Variants in CTDP1 observed in about 807,000 individuals in gnomAD.
CTDP1 encodes CTD phosphatase 1.
A neutral mutation model predicts 91.8 loss-of-function variants in CTDP1; 47 were observed. The ratio of observed to expected loss-of-function variants is 0.51; its 90% CI spans 0.41 to 0.65. The LOEUF is 0.65. Ranked by LOEUF, CTDP1 falls within the 30% of genes least tolerant of loss-of-function variation. CTDP1 has a pLI of 0.00. For synonymous variants in CTDP1, 656 were observed against 598.5 expected, an observed-to-expected ratio of 1.10 and a Z score of -1.40; for missense variants, 1,272 against 1,373.7, an observed-to-expected ratio of 0.93 and a Z score of 1.17.
chr18:79,729,230 C>T (rs530136035), intron 11 of CTDP1, among the ~76,000 whole-genome samples, 161 bp downstream of exon 11: 46 of 152,342 alleles, frequency 3.0e-4, no homozygotes, highest in Non-Finnish European at 4.9e-4. Flanking sequence ...GTGTTTTTCA[C>T]GCAACTTCCT....
chr18:79,680,373 C>A, intron 1 of CTDP1, 112 bp downstream of exon 1: 2 of 881,454 alleles, frequency 2.3e-6, no homozygotes, highest in Non-Finnish European at 3.0e-6. Flanking sequence ...GGTGAGGGAG[C>A]GATAAAGCGG....
At chr18:79,725,272 G>C (rs930248412) in intron 10 of CTDP1, among the ~76,000 whole-genome samples, 1 of 152,208 alleles carries the variant, frequency 6.6e-6, no homozygotes, top group African/African-American at 2.4e-5. Flanking sequence ...CAGGTTTGCT[G>C]TGGCTCCCGT....
chr18:79,718,377 C>G (rs930740975), intron 10 of CTDP1, among the ~76,000 whole-genome samples: 7 of 152,224 alleles, frequency 4.6e-5, no homozygotes, highest in African/African-American at 1.7e-4. Flanking sequence ...CCACTCGCCT[C>G]ACCATCTGCT....
chr18:79,748,619 A>G (rs1029262759), intron 12 of CTDP1, among the ~76,000 whole-genome samples: 1 of 152,222 alleles, frequency 6.6e-6, no homozygotes, highest in African/African-American at 2.4e-5. Context: ...TTTCTTGTGA[A>G]AATCTAAGGA....
intron 6 of CTDP1, 152 bp from the exon 7 acceptor site, chr18:79,712,820 A>G: frequency 8.1e-6 from 6 of 745,220 alleles, no homozygotes; most frequent in South Asian, 6.7e-5. Flanking sequence ...CGACCCAAAC[A>G]GAAAGGGCTT....
intron 4 of CTDP1, among the ~76,000 whole-genome samples, chr18:79,700,878 A>G (rs2085843702): frequency 6.6e-6 from 1 of 152,206 alleles, no homozygotes. Context: ...AGTTGAAGCC[A>G]GTGCTCATTT....
At chr18:79,693,551 TGAC>T (rs937308489) in intron 1 of CTDP1, among the ~76,000 whole-genome samples, 2 of 152,194 alleles carry the variant, frequency 1.3e-5, no homozygotes, top group African/African-American at 4.8e-5. Flanking sequence ...CACGTATACA[TGAC>T]GAGATGTCTT....
rs547754375 is a variant in CTDP1 at position 79,712,881 on chromosome 18, G to A, written c.864-91G>A. On this transcript the variant is annotated intron_variant, in intron 6 of 12. Transcript: ENST00000613122. ...AACCTGCTGTCTGCTGGTTACATGT[G>A]GATTAGAATCTTAAACTGTTACGCT... 1.4e-4 allele frequency: 190 copies of A among 1,384,644 alleles called. 1 individual carries two copies. The South Asian group carries it at 2.1e-3, about 15-fold the overall frequency. The allele number at this position is 1,384,644 out of a possible 1,614,324, so 85.8% of individuals were successfully genotyped here. A position where few individuals can be genotyped will look rare whatever the true frequency, so the allele number is the denominator to read the frequency against.
chr18:79,740,975 G>A (rs976834126), intron 12 of CTDP1, among the ~76,000 whole-genome samples: 1 of 151,974 alleles, frequency 6.6e-6, no homozygotes, highest in African/African-American at 2.4e-5. Flanking sequence ...TGCACAGGTT[G>A]GGTGAGGTCC....
intron 1 of CTDP1, among the ~76,000 whole-genome samples, chr18:79,680,550 C>T (rs1231746683): frequency 2.0e-5 from 3 of 152,264 alleles, no homozygotes; most frequent in Admixed American, 6.5e-5. Context: ...GTCCCCGCCC[C>T]TTCCTTTAGC....
At chr18:79,695,523 GTGTGGT>G (rs891141379) in intron 2 of CTDP1, among the ~76,000 whole-genome samples, 10 of 152,222 alleles carry the variant, frequency 6.6e-5, no homozygotes, top group Middle Eastern at 3.2e-3. Context: ...CCATTCTCAG[GTGTGGT>G]GGGGGGGCAT....
rs557503 is a variant in CTDP1 at position 79,715,016 on chromosome 18, C to G, written c.1556C>G (p.Pro519Arg). 8.1e-6 allele frequency: 13 copies of G among 1,597,578 alleles called. No homozygotes were observed. The highest frequency in any genetic ancestry group is 1.0e-5 in the Non-Finnish European group (12 of 1,173,296). ...CCGAGTCTCCCCGGAGAGGCCGAGC[C>G]TGGCGCGCATGCCCCGGACAAGGAG... ...AAPSLPGEAE[P>R]GAHAPDKEPE... Residue 519 changes from proline to arginine, a missense_variant, in exon 8 of 13, where the codon CCT becomes CGT. Coordinates refer to ENST00000613122, the MANE Select transcript of CTDP1 (RefSeq NM_004715.5).
rs554435834 is a variant in CTDP1 at position 79,694,483 on chromosome 18, G to A, written c.315-742G>A. On this transcript the variant is annotated intron_variant, in intron 1 of 12. Transcript: ENST00000613122. ...TAGGGGTGGGCGCTGAGTGCTGGGC[G>A]GTCTCATGTCCACGGGGTGGGGTGG... 1.8e-4 allele frequency among the ~76,000 whole-genome samples: 25 copies of A among 138,442 alleles called. 1 individual carries two copies. Among genetic ancestry groups the A allele is most frequent in the African/African-American group, 6.4e-4 (23 of 35,960 alleles). The allele number at this position is 138,442 out of a possible 152,430, so 90.8% of individuals were successfully genotyped here. A position where few individuals can be genotyped will look rare whatever the true frequency, so the allele number is the denominator to read the frequency against.
intron 5 of CTDP1, among the ~76,000 whole-genome samples, chr18:79,706,943 A>ATAC (rs758015115): frequency 3.0e-4 from 46 of 152,264 alleles, no homozygotes; most frequent in Non-Finnish European, 5.9e-4. Context: ...CCCGTCTTCC[A>ATAC]TACGTTGATC....
rs72976147 is a variant in CTDP1 at position 79,731,952 on chromosome 18, A to G, written c.2580+2883A>G. Among the ~76,000 whole-genome samples, 353 of 152,128 alleles carry G rather than the reference A, an allele frequency of 2.3e-3. 1 individual carries two copies. Among genetic ancestry groups the G allele is most frequent in the Non-Finnish European group, 3.8e-3 (260 of 67,988 alleles). On this transcript the variant is annotated intron_variant, in intron 11 of 12. Coordinates refer to ENST00000613122, the MANE Select transcript of CTDP1 (RefSeq NM_004715.5). ...TCACATTAGGAGTGCTCCCCAAATC[A>G]GGTGAGACATGAGAACTCACTAACA...
At chr18:79,720,682 G>T (rs2086326359) in intron 10 of CTDP1, among the ~76,000 whole-genome samples, 4 of 152,216 alleles carry the variant, frequency 2.6e-5, no homozygotes, top group Admixed American at 2.6e-4. Context: ...GTTGCGGGCT[G>T]GTTGGGTTTT....
chr18:79,712,573 A>G (rs978596496), intron 6 of CTDP1, among the ~76,000 whole-genome samples: 1 of 152,310 alleles, frequency 6.6e-6, no homozygotes, highest in African/African-American at 2.4e-5. Flanking sequence ...TTAGCCACAC[A>G]GCGCCTAGCC....
At chr18:79,728,854 A>C in intron 10 of CTDP1, 53 bp from the exon 11 acceptor site, 7 of 1,590,994 alleles carry the variant, frequency 4.4e-6, no homozygotes, top group Non-Finnish European at 6.0e-6. Flanking sequence ...CGGTGCGGAA[A>C]AGTGCCATTC....
chr18:79,680,108 C>T lies in CTDP1; in HGVS notation c.161C>T (p.Ala54Val), dbSNP rs1371612545. ...GGCTCGGTGCTGGCCGTGTTCGAGGCCGCCGCCTCCGCGCAGTCCTCCGGG... is the reference window on the plus strand; with the variant it reads ...GGCTCGGTGCTGGCCGTGTTCGAGGTCGCCGCCTCCGCGCAGTCCTCCGGG... ...RIGSVLAVFE[A>V]AASAQSSGAS... The change falls in exon 1 of 13, where the codon GCC becomes GTC. Residue 54 changes from alanine to valine, a missense_variant. Physicochemically the swap from Ala to Val is moderately conservative, Grantham distance 64. Around this residue, in one of 3 missense-constraint regions of CTDP1, gnomAD observed 214 missense variants for 179.1 expected, o/e 1.19. Transcript: ENST00000613122. 1.4e-6 allele frequency: 2 copies of T among 1,416,006 alleles called. No individual in the cohort carries two copies. The highest frequency in any genetic ancestry group is 1.8e-6 in the Non-Finnish European group (2 of 1,085,020). 87.7% of individuals were successfully genotyped at this position (1,416,006 alleles called of 1,614,324 possible). A position where few individuals can be genotyped will look rare whatever the true frequency, so the allele number is the denominator to read the frequency against.
Sources: allele counts gnomAD v4.1 joint callset (sites outside exome capture counted in the v4.1 genomes callset), GRCh38; gene constraint gnomAD v4.1.1; regional missense constraint gnomAD v4.1.1; transcripts MANE v1.5; gene names NCBI Gene and HGNC (gene_info 2026-07-23, HGNC 2026-07-21).